The following MCM3AP variants were observed in gnomAD, a reference collection of about 807,000 sequenced individuals.
MCM3AP encodes minichromosome maintenance complex component 3 associated protein.
In MCM3AP, 126 loss-of-function variants were observed where a neutral mutation model predicts 184.1. The observed-to-expected ratio is 0.68, with a 90% CI of 0.59 to 0.79. MCM3AP has a LOEUF of 0.79. Among genes scored for constraint, MCM3AP ranks in the 30% least tolerant of loss-of-function variants. The probability of loss-of-function intolerance (pLI) is 0.00; values close to 1 mark genes in which losing one functional copy is unlikely to be tolerated. For synonymous variants in MCM3AP, 1,002 were observed against 979.3 expected, an observed-to-expected ratio of 1.02 and a Z score of -0.43; for missense variants, 2,496 against 2,479.2, an observed-to-expected ratio of 1.01 and a Z score of -0.14.
At position 46,285,042 on chromosome 21, in the gene MCM3AP, C is replaced by A. The variant is rs1488490490; in HGVS notation, c.245G>T (p.Gly82Val). 6.2e-7 allele frequency: 1 copy of A among 1,614,150 alleles called. No homozygotes were observed. Among genetic ancestry groups the A allele is most frequent in the East Asian group, 2.2e-5 (1 of 44,888 alleles). ...AGTGTGCTCAAGTCCAGAAAAGGGT[C>A]CAACACTTGAGGTTTGGGTGAACCC... ...TLGFTQTSSV[G>V]PFSGLEHTST... is the part of the protein sequence containing the mutation. Residue 82 changes from glycine (G) to valine (V), a missense_variant, in exon 1 of 28, where the codon GGA becomes GTA. Transcript: ENST00000291688.
rs1601539113 is a variant in MCM3AP, at chr21:46,275,276, G to A, written c.1908C>T (p.Thr636=). The change falls in exon 6 of 28, where the codon ACC becomes ACT. Residue 636 remains threonine (T), a synonymous_variant. Transcript: ENST00000291688. The part of the protein sequence containing the change: ...DLDKARTFVG[T]CLDMCPEKER... ...CCTTCTCAGGACACATATCCAGGCAGGTGCCAACAAAAGTCCTCGCTTTGT... is the reference window on the plus strand; with the variant it reads ...CCTTCTCAGGACACATATCCAGGCAAGTGCCAACAAAAGTCCTCGCTTTGT... The A allele has an allele frequency of 1.9e-6, 3 of 1,614,108 alleles. No individual in the cohort carries two copies. The highest frequency in any genetic ancestry group is 2.5e-6 in the Non-Finnish European group (3 of 1,179,998).
rs750974945 is a variant in MCM3AP at position 46,284,711 on chromosome 21, G to C, written c.576C>G (p.Phe192Leu). ...AACTACTTGTTACTTGAGGAAAAGA[G>C]AAAGGGGCCAGGCCTCCAGGTGCAC... The part of the protein sequence containing the change: ...ISSAPGGLAP[F>L]SFPQVTSSSA... The change falls in exon 1 of 28, where the codon TTC becomes TTG. Residue 192 changes from phenylalanine (F) to leucine (L), a missense_variant. Transcript: ENST00000291688. 16 of 1,614,018 alleles carry C rather than the reference G, an allele frequency of 9.9e-6. No homozygotes were observed. Among genetic ancestry groups the C allele is most frequent in the Non-Finnish European group, 1.2e-5 (14 of 1,180,036 alleles).
intron 19 of MCM3AP, 200 bp from the exon 20 acceptor site, chr21:46,251,882 T>A: frequency 1.2e-4 from 7 of 58,762 alleles, no homozygotes; most frequent in East Asian, 4.8e-4. Flanking sequence ...GTACTCGTTC[T>A]TTTTTTTTTT....
In MCM3AP at chr21:46,272,612, TC is replaced by T; in HGVS notation, c.2413del (p.Glu805SerfsTer17). ...GAGCAGAACATTGTAGCCCTGGAACTCCGCTTCGCTGGCACAGAAGACACCC... is the reference window on the plus strand; with the variant it reads ...GAGCAGAACATTGTAGCCCTGGAACTCGCTTCGCTGGCACAGAAGACACCC... ...NKGVFCASEAEFQGYNVLLSL... is the reference protein window; with the variant it reads ...NKGVFCASEAXFQGYNVLLSL... On this transcript the variant is annotated frameshift_variant, in exon 8 of 28. Transcript: ENST00000291688. LOFTEE classifies it high-confidence loss of function. 6.2e-7 allele frequency: 1 copy of T among 1,614,204 alleles called. No individual in the cohort carries two copies. The highest frequency in any genetic ancestry group is 8.5e-7 in the Non-Finnish European group (1 of 1,180,030).
rs140896067 is a variant in MCM3AP at position 46,254,791 on chromosome 21, T to C, written c.3986A>G (p.Tyr1329Cys). The change falls in exon 18 of 28, where the codon TAC becomes TGC. Residue 1329 changes from tyrosine to cysteine, a missense_variant. Around this residue, in one of 5 missense-constraint regions of MCM3AP, gnomAD observed 1,323 missense variants for 1,273.4 expected, o/e 1.04. Coordinates refer to ENST00000291688, the MANE Select transcript of MCM3AP (RefSeq NM_003906.5). The part of the protein sequence containing the change: ...TAHQMKVQHF[Y>C]QQLLSDVAWA... The stretch of plus-strand genomic sequence containing the variant: ...CATGACAGACCTCAGCAGCTGCTGG[T>C]AGAAGTGCTGAACCTTCATCTGGTG... 7.4e-6 allele frequency: 12 copies of C among 1,613,808 alleles called. No individual in the cohort carries two copies. The highest frequency in any genetic ancestry group is 5.0e-5 in the Admixed American group (3 of 59,996).
In MCM3AP at chr21:46,268,406, A is replaced by G. The variant is rs151315789; in HGVS notation, c.2629-1264T>C. On this transcript the variant is annotated intron_variant, in intron 9 of 27. Transcript: ENST00000291688. ...AGAGTACAACAGTGAACAAAAACAC[A>G]ATCCCTGTCCCCACATAGCTGACAT... Among the ~76,000 whole-genome samples, 328 of 152,354 alleles carry G rather than the reference A, an allele frequency of 2.2e-3. 2 individuals carry two copies. Among genetic ancestry groups the G allele is most frequent in the Non-Finnish European group, 3.9e-3 (266 of 68,032 alleles).
intron 26 of MCM3AP, 38 bp downstream of exon 26, chr21:46,240,773 G>T: frequency 6.3e-7 from 1 of 1,583,208 alleles, no homozygotes; most frequent in South Asian, 1.1e-5. Flanking sequence ...GCATAAAGCA[G>T]ACTAAACACA....
At position 46,261,381 on chromosome 21, in the gene MCM3AP, TAAC is replaced by T. The variant is rs1369344867; in HGVS notation, c.3363_3365del (p.Leu1122del). The T allele has an allele frequency of 2.5e-6, 4 of 1,614,144 alleles. No individual in the cohort carries two copies. Among genetic ancestry groups the T allele is most frequent in the Non-Finnish European group, 3.4e-6 (4 of 1,180,012 alleles). On this transcript the variant is annotated inframe_deletion, in exon 14 of 28. Transcript: ENST00000291688. ...TCAAAATGCCCGTGGTTGCAGCTGT[TAAC>T]AAATCCTCCATAGCAGCATTAGAAA...
intron 8 of MCM3AP, among the ~76,000 whole-genome samples, chr21:46,271,768 A>G (rs1177530736): frequency 1.3e-5 from 2 of 151,868 alleles, no homozygotes; most frequent in African/African-American, 4.8e-5. Flanking sequence ...GACTGAGGCA[A>G]GAGAATCGCT....
At chr21:46,242,199 T>G (rs1484099323) in intron 25 of MCM3AP, 1 of 152,654 alleles carries the variant, frequency 6.6e-6, no homozygotes, top group Non-Finnish European at 1.5e-5. Context: ...TCCAGGACAA[T>G]AGTGAATAAT....
chr21:46,274,878 G>A (rs182548508), intron 6 of MCM3AP, among the ~76,000 whole-genome samples: 72 of 142,176 alleles, frequency 5.1e-4, no homozygotes, highest in Admixed American at 2.8e-3. Flanking sequence ...AGTTGAGGCT[G>A]TAGTGAGCCA....
At chr21:46,272,466 G>T in intron 8 of MCM3AP, 95 bp downstream of exon 8, 1 of 1,241,604 alleles carries the variant, frequency 8.1e-7, no homozygotes, top group Non-Finnish European at 1.1e-6. Context: ...ACAGAATGCT[G>T]CACTATTGGC....
At chr21:46,274,430 G>T (rs555430844) in intron 6 of MCM3AP, among the ~76,000 whole-genome samples, 52 of 152,264 alleles carry the variant, frequency 3.4e-4, no homozygotes, top group African/African-American at 1.3e-3. Context: ...TTTAGAAGCA[G>T]CCTATCTACT....
intron 14 of MCM3AP, 113 bp from the exon 15 acceptor site, chr21:46,261,019 T>C: frequency 1.1e-6 from 1 of 909,304 alleles, no homozygotes; most frequent in Non-Finnish European, 1.7e-6. Context: ...CCTGAGTCGG[T>C]AGGCCACCCC....
Position 46,285,295 on chromosome 21 carries a change from C to T in MCM3AP, c.-9G>A, listed in dbSNP as rs760876843. ...GGATTAGTTGGGTTCATCTTCTGCT[C>T]CAATTATTAGAAGGTAATTAAGTAT... On this transcript the variant is annotated 5_prime_UTR_variant, in exon 1 of 28. Transcript: ENST00000291688. 1.9e-5 allele frequency: 30 copies of T among 1,582,828 alleles called. No homozygotes were observed. The East Asian group carries it at 6.3e-4, about 33-fold the overall frequency.
chr21:46,270,485 G>A lies in MCM3AP; in HGVS notation c.2544C>T (p.Asn848=), dbSNP rs1404351817. 1.2e-6 allele frequency: 2 copies of A among 1,613,832 alleles called. No individual in the cohort carries two copies. Among genetic ancestry groups the A allele is most frequent in the Non-Finnish European group, 1.7e-6 (2 of 1,179,836 alleles). The change falls in exon 9 of 28, where the codon AAC becomes AAT. Residue 848 remains asparagine (N), a synonymous_variant. Coordinates refer to ENST00000291688, the MANE Select transcript of MCM3AP (RefSeq NM_003906.5). ...TGAAAAATCTCACAAAATTATTACT[G>A]TTCAATGCAGCAAAAGCCTGAACAG... ...KFAVQAFAAL[N]SNNFVRFFKL... is the part of the protein sequence containing the mutation.
intron 16 of MCM3AP, among the ~76,000 whole-genome samples, chr21:46,258,219 C>T (rs933825222): frequency 6.6e-6 from 1 of 152,212 alleles, no homozygotes; most frequent in Non-Finnish European, 1.5e-5. Context: ...AAGGAAGACT[C>T]ACTTCTCCCC....
chr21:46,237,355 G>A (rs1015757602), intron 26 of MCM3AP, among the ~76,000 whole-genome samples: 10 of 151,774 alleles, frequency 6.6e-5, no homozygotes, highest in South Asian at 4.2e-4. Flanking sequence ...CACCCACCTC[G>A]GCCTCCCAAA....
intron 26 of MCM3AP, among the ~76,000 whole-genome samples, chr21:46,239,589 A>G (rs997158346): frequency 2.6e-5 from 4 of 152,160 alleles, no homozygotes; most frequent in Admixed American, 2.0e-4. Flanking sequence ...TGGATTTGGG[A>G]TATGTTAACT....
Sources: allele counts gnomAD v4.1 joint callset (sites outside exome capture counted in the v4.1 genomes callset), GRCh38; gene constraint gnomAD v4.1.1; regional missense constraint gnomAD v4.1.1; transcripts MANE v1.5; gene names NCBI Gene and HGNC (gene_info 2026-07-23, HGNC 2026-07-21).